KDM5A: variants seen among roughly 807,000 people sequenced by gnomAD.
KDM5A encodes the protein lysine demethylase 5A.
In KDM5A, 42 loss-of-function variants were observed where a neutral mutation model predicts 193.5. The observed-to-expected ratio is 0.22, with a 90% CI of 0.17 to 0.28. The LOEUF (loss-of-function observed/expected upper bound fraction) is 0.28. Among genes scored for constraint, KDM5A ranks in the 10% least tolerant of loss-of-function variants. KDM5A has a pLI of 1.00. For synonymous variants in KDM5A, 796 were observed against 718.1 expected, an observed-to-expected ratio of 1.11 and a Z score of -1.73; for missense variants, 1,692 against 2,055.1, an observed-to-expected ratio of 0.82 and a Z score of 3.42.
At chr12:298,321 C>A (rs1478151572) in intron 24 of KDM5A, among the ~76,000 whole-genome samples, 1 of 152,190 alleles carries the variant, frequency 6.6e-6, no homozygotes, top group African/African-American at 2.4e-5. Flanking sequence ...GGCCAGTGCC[C>A]CTCTGGGATG....
rs907600609 is a variant in KDM5A, at chr12:292,910, T to C, written c.4715A>G (p.Lys1572Arg). ...KKKKEKAAAA[K>R]VELVKESTEK... ...AGTGCTCTCTTTCACAAGTTCAACT[T>C]TGGCTGCAGCAGCCTTCTCCTTCTT... The change falls in exon 27 of 28, where the codon AAA becomes AGA. Residue 1572 changes from lysine to arginine, a missense_variant. This residue lies in a region of KDM5A where 965 missense variants were observed against 1,061.0 expected (regional missense o/e 0.91). Transcript: ENST00000399788. 9 of 1,614,052 alleles carry C rather than the reference T, an allele frequency of 5.6e-6. No individual in the cohort carries two copies. Among genetic ancestry groups the C allele is most frequent in the African/African-American group, 2.7e-5 (2 of 74,954 alleles).
chr12:325,393 T>A (rs1943769225), intron 14 of KDM5A, among the ~76,000 whole-genome samples: 1 of 152,096 alleles, frequency 6.6e-6, no homozygotes, highest in Non-Finnish European at 1.5e-5. Flanking sequence ...AAAAATATAT[T>A]TTTTTTGTTC....
At chr12:363,677 T>C (rs1944318834) in intron 4 of KDM5A, among the ~76,000 whole-genome samples, 1 of 152,140 alleles carries the variant, frequency 6.6e-6, no homozygotes, top group African/African-American at 2.4e-5. Flanking sequence ...TTGTAAAATT[T>C]CTACATTAAA....
At chr12:324,800 G>T (rs747323754) in intron 14 of KDM5A, among the ~76,000 whole-genome samples, 4 of 152,076 alleles carry the variant, frequency 2.6e-5, no homozygotes. Context: ...TTGAGCCCGG[G>T]GGGTGAAGGT....
At chr12:365,576 C>G (rs572198374) in intron 4 of KDM5A, among the ~76,000 whole-genome samples, 7 of 152,104 alleles carry the variant, frequency 4.6e-5, no homozygotes, top group African/African-American at 1.7e-4. Context: ...TCACAGTGAT[C>G]GCTGCATAAA....
intron 7 of KDM5A, 89 bp from the exon 8 acceptor site, chr12:354,323 A>G (rs1944203305): frequency 5.9e-6 from 5 of 848,524 alleles, no homozygotes; most frequent in Non-Finnish European, 5.6e-6. Flanking sequence ...AAACAAAATA[A>G]TGCAACTGAA....
chr12:287,220 T>C (rs1943229434), intron 27 of KDM5A, among the ~76,000 whole-genome samples: 1 of 152,178 alleles, frequency 6.6e-6, no homozygotes, highest in Admixed American at 6.5e-5. Flanking sequence ...ATTGTGTTTG[T>C]TTAAAATGTA....
intron 10 of KDM5A, among the ~76,000 whole-genome samples, chr12:335,474 G>C (rs1943917109): frequency 2.0e-5 from 3 of 152,204 alleles, no homozygotes; most frequent in Admixed American, 2.0e-4. Flanking sequence ...TATCATAACA[G>C]ATTGAATGCA....
chr12:301,004 C>T (rs1231465696), intron 24 of KDM5A, among the ~76,000 whole-genome samples: 1 of 152,034 alleles, frequency 6.6e-6, no homozygotes, highest in East Asian at 1.9e-4. Context: ...CCTGAATAGA[C>T]CAATCAAGTT....
chr12:378,230 TG>T (rs1489032087), intron 3 of KDM5A, among the ~76,000 whole-genome samples: 7 of 152,038 alleles, frequency 4.6e-5, no homozygotes, highest in African/African-American at 7.2e-5. Context: ...GGAGTAGGAA[TG>T]GGGGTGGAGA....
At chr12:346,284 CA>C (rs1313364396) in intron 10 of KDM5A, among the ~76,000 whole-genome samples, 3 of 152,046 alleles carry the variant, frequency 2.0e-5, no homozygotes, top group African/African-American at 7.2e-5. Context: ...GCCTACCAAA[CA>C]AAAAAAGTCC....
chr12:351,599 A>C (rs1944160756), intron 9 of KDM5A, among the ~76,000 whole-genome samples: 1 of 152,200 alleles, frequency 6.6e-6, no homozygotes, highest in Non-Finnish European at 1.5e-5. Flanking sequence ...ATAACTAAAG[A>C]AAAGCAGCAA....
chr12:386,387 T>G (rs1051907129), intron 1 of KDM5A, among the ~76,000 whole-genome samples: 2 of 152,184 alleles, frequency 1.3e-5, no homozygotes. Flanking sequence ...AAAAGAAAGG[T>G]GTCAGTAGCT....
At position 293,109 on chromosome 12, in the gene KDM5A, G is replaced by A. The variant is rs751548422; in HGVS notation, c.4516C>T (p.Arg1506Trp). ...TCTACCTTTTCTAGCTTCCGTTTCC[G>A]TTTCTTCTCTGAAGAGTCCTTTCCT... ...VKGKDSSEKK[R>W]KRKLEKVEQL... is the part of the protein sequence containing the mutation. Residue 1506 changes from arginine to tryptophan, a missense_variant, in exon 27 of 28, where the codon CGG becomes TGG. Arg to Trp is a moderately radical substitution (Grantham distance 101). Coordinates refer to ENST00000399788, the MANE Select transcript of KDM5A (RefSeq NM_001042603.3). 1.5e-5 allele frequency: 24 copies of A among 1,596,780 alleles called. No individual in the cohort carries two copies. The highest frequency in any genetic ancestry group is 1.9e-5 in the Non-Finnish European group (22 of 1,175,948).
rs377271333 is a variant in KDM5A at position 330,085 on chromosome 12, G to GTGTGTGTGTGTGTA, written c.1774-1057_1774-1056insTACACACACACACA. Among the ~76,000 whole-genome samples, 77 of 139,372 alleles carry GTGTGTGTGTGTGTA rather than the reference G, an allele frequency of 5.5e-4. No homozygotes were observed. In the East Asian group the frequency reaches 6.5e-3, roughly 12 times the overall value. The allele number at this position is 139,372 out of a possible 152,430, so 91.4% of individuals were successfully genotyped here. A position where few individuals can be genotyped will look rare whatever the true frequency, so the allele number is the denominator to read the frequency against. ...TGTGTGTGTGTGTGTGTGTGTGTGT[G>GTGTGTGTGTGTGTA]TATATATATATATCTTATGATTAGC... On this transcript the variant is annotated intron_variant, in intron 13 of 27. Transcript: ENST00000399788.
intron 27 of KDM5A, among the ~76,000 whole-genome samples, chr12:288,134 C>T (rs1306109571): frequency 2.0e-5 from 3 of 152,166 alleles, no homozygotes; most frequent in Non-Finnish European, 2.9e-5. Flanking sequence ...TAACAATCAA[C>T]TCTGAGTTCT....
chr12:291,242 C>T (rs1330619296), intron 27 of KDM5A, among the ~76,000 whole-genome samples: 1 of 152,208 alleles, frequency 6.6e-6, no homozygotes, highest in African/African-American at 2.4e-5. Context: ...ATATTTATAG[C>T]TGTCTGCCTT....
chr12:294,764 G>A (rs1943348297), intron 26 of KDM5A, among the ~76,000 whole-genome samples: 1 of 152,176 alleles, frequency 6.6e-6, no homozygotes. Context: ...TTAGAATCCA[G>A]ATCTCTTTAT....
At position 283,809 on chromosome 12, in the gene KDM5A, C is replaced by A. The variant is rs548499544; in HGVS notation, c.*1647G>T. The A allele has an allele frequency of 9.3e-5, 19 of 205,264 alleles. No homozygotes were observed. Among genetic ancestry groups the A allele is most frequent in the Non-Finnish European group, 1.4e-4 (16 of 111,012 alleles). The allele number at this position is 205,264 out of a possible 1,614,324, so 12.7% of individuals were successfully genotyped here. On this transcript the variant is annotated 3_prime_UTR_variant, in exon 28 of 28. Transcript: ENST00000399788. The stretch of plus-strand genomic sequence containing the variant: ...GTGATGACAAAACACTATTTTTAGT[C>A]ATTTTTTTTTTTGTCCTTTAAAAAA...
Sources: allele counts gnomAD v4.1 joint callset (sites outside exome capture counted in the v4.1 genomes callset), GRCh38; gene constraint gnomAD v4.1.1; regional missense constraint gnomAD v4.1.1; transcripts MANE v1.5; gene names NCBI Gene and HGNC (gene_info 2026-07-23, HGNC 2026-07-21).